GIPC1: variants seen among roughly 807,000 people sequenced by gnomAD.
The protein encoded by GIPC1 is GIPC PDZ domain containing family member 1.
Under a neutral mutation model 28.5 loss-of-function variants are expected in GIPC1, and 15 were observed. The observed-to-expected ratio is 0.53, with a 90% CI of 0.35 to 0.81. GIPC1 has a LOEUF of 0.81. Ranked by LOEUF, GIPC1 falls within the 30% of genes least tolerant of loss-of-function variation. The probability of loss-of-function intolerance (pLI) is 0.01; values close to 1 mark genes in which losing one functional copy is unlikely to be tolerated. For synonymous variants in GIPC1, 224 were observed against 206.1 expected (o/e 1.09, Z -0.74); for missense variants, 439 against 481.9 (o/e 0.91, Z 0.83).
chr19:14,478,767 TG>T lies in GIPC1; in HGVS notation c.769-3del. 2 of 1,611,324 alleles carry T rather than the reference TG, an allele frequency of 1.2e-6. No homozygotes were observed. The highest frequency in any genetic ancestry group is 1.7e-6 in the Non-Finnish European group (2 of 1,177,770). On this transcript the variant is annotated splice_region_variant and splice_polypyrimidine_tract_variant and intron_variant, in intron 7 of 8. Coordinates refer to ENST00000393033, the MANE Select transcript of GIPC1 (RefSeq NM_005716.4). The surrounding 1 kb of genome is among the most constrained non-coding windows in gnomAD (Gnocchi z 5.2). ...GGCCTTCTCTTCAAAGGCAGAGGGC[TG>T]GGGGCCAGGGAGGGGTGACAGCGAC...
intron 3 of GIPC1, among the ~76,000 whole-genome samples, chr19:14,487,567 T>A (rs1462330114): frequency 6.6e-6 from 1 of 151,924 alleles, no homozygotes; most frequent in East Asian, 1.9e-4. Flanking sequence ...TCACAGATGC[T>A]ATATAGGCTA....
At chr19:14,479,751 A>C (rs2071684759) in intron 6 of GIPC1, 1 of 418,592 alleles carries the variant, frequency 2.4e-6, no homozygotes, top group Non-Finnish European at 4.2e-6. Flanking sequence ...GGAATAGGAA[A>C]TGCTGGAGGG....
Position 14,478,768 on chromosome 19 carries a change from G to A in GIPC1, c.769-3C>T. 1 of 1,610,622 alleles carries A rather than the reference G, an allele frequency of 6.2e-7. No individual in the cohort carries two copies. Among genetic ancestry groups the A allele is most frequent in the Non-Finnish European group, 8.5e-7 (1 of 1,176,798 alleles). The stretch of plus-strand genomic sequence containing the variant: ...GCCTTCTCTTCAAAGGCAGAGGGCT[G>A]GGGGCCAGGGAGGGGTGACAGCGAC... On this transcript the variant is annotated splice_polypyrimidine_tract_variant and splice_region_variant and intron_variant, in intron 7 of 8. Coordinates refer to ENST00000393033, the MANE Select transcript of GIPC1 (RefSeq NM_005716.4). The surrounding 1 kb of genome is among the most constrained non-coding windows in gnomAD (Gnocchi z 5.2).
At chr19:14,483,859 G>C (rs555591521) in intron 3 of GIPC1, among the ~76,000 whole-genome samples, 89 of 151,784 alleles carry the variant, frequency 5.9e-4, no homozygotes, top group African/African-American at 2.0e-3. Context: ...GTTGTGACAG[G>C]GTCTTGCTCT....
At chr19:14,480,178 T>C (rs1237001572) in intron 6 of GIPC1, 127 bp downstream of exon 6, 3 of 777,158 alleles carry the variant, frequency 3.9e-6, no homozygotes, top group East Asian at 5.3e-5. Context: ...TGCAACCCCT[T>C]CCCTTTCTGC....
At chr19:14,489,361 C>T (rs369126449) in intron 3 of GIPC1, 5 of 782,474 alleles carry the variant, frequency 6.4e-6, no homozygotes, top group Non-Finnish European at 1.2e-5. Flanking sequence ...TGTTCCAAGG[C>T]ATCTGTGAGC....
intron 3 of GIPC1, among the ~76,000 whole-genome samples, chr19:14,488,536 G>C (rs191870235): frequency 2.0e-5 from 3 of 152,286 alleles, no homozygotes; most frequent in Non-Finnish European, 4.4e-5. Flanking sequence ...GGCGGATCAT[G>C]AGGTCAGGAG....
intron 4 of GIPC1, chr19:14,481,970 A>T (rs1275791599): frequency 6.5e-6 from 1 of 152,848 alleles, no homozygotes; most frequent in Admixed American, 6.5e-5. Context: ...ATCACGGAGA[A>T]GTGCATCTCG....
rs1568365248 is a variant in GIPC1 at position 14,485,732 on chromosome 19, G to GAC, written c.-30-2727_-30-2726insGT. Among the ~76,000 whole-genome samples the GAC allele has an allele frequency of 1.4e-3, 210 of 145,186 alleles. 2 individuals carry two copies. The highest frequency in any genetic ancestry group is 5.2e-3 in the African/African-American group (205 of 39,146). On this transcript the variant is annotated intron_variant, in intron 3 of 8. Coordinates refer to ENST00000393033, the MANE Select transcript of GIPC1 (RefSeq NM_005716.4). ...AGAGAGAGAGAGAGAGAGAGAGAGAGAGAGAGAGACAGAGAGAGGGAGAGA... is the reference window on the plus strand; with the variant it reads ...AGAGAGAGAGAGAGAGAGAGAGAGAGACAGAGAGAGACAGAGAGAGGGAGAGA...
rs1199607441 is a variant in GIPC1, at chr19:14,482,778, C to T, written c.199G>A (p.Gly67Ser). 6.2e-7 allele frequency: 1 copy of T among 1,609,604 alleles called. No homozygotes were observed. Among genetic ancestry groups the T allele is most frequent in the African/African-American group, 1.3e-5 (1 of 74,846 alleles). ...RLVFHTQLAH[G>S]SPTGRIEGFT... Reference sequence around the variant, plus strand: ...CCCTCGATGCGGCCAGTGGGACTGCCATGGGCCAGCTGGGTGTGGAACACG... The same window carrying T: ...CCCTCGATGCGGCCAGTGGGACTGCTATGGGCCAGCTGGGTGTGGAACACG... Residue 67 changes from glycine to serine, a missense_variant, in exon 4 of 9, where the codon GGC (glycine) becomes AGC (serine). Gly to Ser is a moderately conservative substitution (Grantham distance 56). Coordinates refer to ENST00000393033, the MANE Select transcript of GIPC1 (RefSeq NM_005716.4).
In GIPC1 at chr19:14,482,973, G is replaced by T; in HGVS notation, c.4C>A (p.Pro2Thr). The T allele has an allele frequency of 6.2e-7, 1 of 1,610,460 alleles. No individual in the cohort carries two copies. The highest frequency in any genetic ancestry group is 8.5e-7 in the Non-Finnish European group (1 of 1,179,748). The change falls in exon 4 of 9, where the codon CCG becomes ACG. Residue 2 changes from proline to threonine, a missense_variant. By Grantham distance (38) the Pro-to-Thr change is conservative (BLOSUM62 -1). Transcript: ENST00000393033. ...TTTTTCCGCCGCCCCAGTCCCAGCG[G>T]CATGAGCAGCGAGAAGTGGGGTCAC... MPLGLGRRKKAP... is the reference protein window; with the variant it reads MTLGLGRRKKAP...
intron 3 of GIPC1, among the ~76,000 whole-genome samples, chr19:14,487,016 G>A (rs770962220): frequency 1.5e-4 from 22 of 149,622 alleles, no homozygotes; most frequent in Non-Finnish European, 7.4e-5. Context: ...ACTGTATTCT[G>A]TGCACCATTT....
intron 4 of GIPC1, 86 bp from the exon 5 acceptor site, chr19:14,480,864 A>G (rs1599348619): frequency 1.0e-6 from 1 of 990,144 alleles, no homozygotes; most frequent in East Asian, 2.4e-5. Context: ...GAGAGCTGGG[A>G]GAGGACTAGG....
At chr19:14,487,956 T>C (rs2071882687) in intron 3 of GIPC1, among the ~76,000 whole-genome samples, 1 of 152,088 alleles carries the variant, frequency 6.6e-6, no homozygotes, top group Non-Finnish European at 1.5e-5. Context: ...GCTGGGATTA[T>C]AGGCATGAGC....
At chr19:14,488,378 G>A (rs1020422538) in intron 3 of GIPC1, among the ~76,000 whole-genome samples, 51 of 151,118 alleles carry the variant, frequency 3.4e-4, no homozygotes, top group Admixed American at 2.6e-4. Flanking sequence ...TTGAATGCAG[G>A]AGGCGGAGGT....
intron 3 of GIPC1, among the ~76,000 whole-genome samples, chr19:14,490,824 A>C (rs1306627242): frequency 6.7e-6 from 1 of 149,852 alleles, no homozygotes; most frequent in Admixed American, 6.7e-5. Context: ...ATACAAAAAA[A>C]ATTAGCTGGG....
At chr19:14,483,723 T>C (rs1040738271) in intron 3 of GIPC1, 1 of 150,106 alleles carries the variant, frequency 6.7e-6, no homozygotes, top group Non-Finnish European at 1.5e-5. Flanking sequence ...CACTCCACCC[T>C]GGGCAAAAGA....
chr19:14,484,970 G>A (rs953959086), intron 3 of GIPC1, among the ~76,000 whole-genome samples: 1 of 151,728 alleles, frequency 6.6e-6, no homozygotes, highest in African/African-American at 2.4e-5. Context: ...GATCAGCCTG[G>A]CCAACATGGT....
chr19:14,480,267 G>A lies in GIPC1; in HGVS notation c.655+38C>T, dbSNP rs755312744. Reference sequence around the variant, plus strand: ...GGCACCACCGCCTGCGCCCATGCGAGCAGCGCCACTGGGGAGGTCCAGGGG... The same window carrying A: ...GGCACCACCGCCTGCGCCCATGCGAACAGCGCCACTGGGGAGGTCCAGGGG... On this transcript the variant is annotated intron_variant, in intron 6 of 8. Coordinates refer to ENST00000393033, the MANE Select transcript of GIPC1 (RefSeq NM_005716.4). 1.9e-6 allele frequency: 3 copies of A among 1,570,304 alleles called. No homozygotes were observed. In the East Asian group the frequency reaches 6.7e-5, roughly 35 times the overall value.
Sources: allele counts gnomAD v4.1 joint callset (sites outside exome capture counted in the v4.1 genomes callset), GRCh38; gene constraint gnomAD v4.1.1; non-coding constraint Gnocchi (gnomAD v3.1); transcripts MANE v1.5; gene names NCBI Gene and HGNC (gene_info 2026-07-23, HGNC 2026-07-21).